PALM2AKAP2: variants seen among roughly 807,000 people sequenced by gnomAD.
The protein encoded by PALM2AKAP2 is PALM2-AKAP2 fusion protein.
A neutral mutation model predicts 71.5 loss-of-function variants in PALM2AKAP2; 37 were observed. That is an observed-to-expected ratio of 0.52 (90% CI 0.40 to 0.68). The LOEUF is 0.68. Ranked by LOEUF, PALM2AKAP2 falls within the 30% of genes least tolerant of loss-of-function variation. PALM2AKAP2 has a pLI of 0.00. For synonymous variants in PALM2AKAP2, 468 were observed against 478.8 expected (o/e 0.98, Z 0.29); for missense variants, 1,224 against 1,191.8 (o/e 1.03, Z -0.40).
chr9:109,669,281 G>T (rs1301430091), intron 1 of PALM2AKAP2, among the ~76,000 whole-genome samples: 2 of 150,036 alleles, frequency 1.3e-5, no homozygotes, highest in Non-Finnish European at 3.0e-5. Context: ...TTTTTTCAAT[G>T]AATACATGTT....
intron 1 of PALM2AKAP2, among the ~76,000 whole-genome samples, chr9:109,768,083 G>C (rs1464674211): frequency 8.6e-6 from 1 of 115,946 alleles, no homozygotes. Flanking sequence ...GAGGAAGGGA[G>C]GGAAGACAGG....
At chr9:110,097,153 T>C (rs568259509) in intron 1 of PALM2AKAP2, among the ~76,000 whole-genome samples, 17 of 150,976 alleles carry the variant, frequency 1.1e-4, no homozygotes, top group African/African-American at 3.4e-4. Context: ...TGGTGATGAC[T>C]CTTAACCAGC....
chr9:109,736,785 G>T (rs1189724295), intron 1 of PALM2AKAP2, among the ~76,000 whole-genome samples: 1 of 151,956 alleles, frequency 6.6e-6, no homozygotes, highest in African/African-American at 2.4e-5. Context: ...ACCTTTTGTA[G>T]TCTCCAGTGT....
At chr9:110,039,856 C>A (rs1252918115) in intron 7 of PALM2AKAP2, among the ~76,000 whole-genome samples, 1 of 152,130 alleles carries the variant, frequency 6.6e-6, no homozygotes, top group African/African-American at 2.4e-5. Context: ...TGATACCTGG[C>A]AGCTTTACTC....
chr9:109,712,641 C>T (rs1329180659), intron 1 of PALM2AKAP2, among the ~76,000 whole-genome samples: 1 of 152,176 alleles, frequency 6.6e-6, no homozygotes, highest in Non-Finnish European at 1.5e-5. Context: ...TCAAACAAGC[C>T]AATGGCTTTT....
At chr9:110,138,493 G>C in exon 2 of PALM2AKAP2, 1 of 1,613,718 alleles carries the variant, frequency 6.2e-7, no homozygotes, top group Non-Finnish European at 8.5e-7. Context: ...CCAGGACAAA[G>C]AATGCCCCAT....
chr9:109,650,195 C>T (rs760827850), intron 1 of PALM2AKAP2, among the ~76,000 whole-genome samples: 5 of 152,000 alleles, frequency 3.3e-5, no homozygotes, highest in Non-Finnish European at 7.4e-5. Flanking sequence ...ATGTCCCCCA[C>T]GTTTTGCCAG....
At position 109,726,085 on chromosome 9, in the gene PALM2AKAP2, G is replaced by A. The variant is rs541470895; in HGVS notation, c.6-54403G>A. ...ATTAGCCTTCTTTCCTACAAGGCAG[G>A]TGTAACAGACATTTATTTTTCTTAG... On this transcript the variant is annotated intron_variant, in intron 1 of 6. Transcript: ENST00000374531. 1.4e-4 allele frequency among the ~76,000 whole-genome samples: 22 copies of A among 152,310 alleles called. No individual in the cohort carries two copies. In the South Asian group the frequency reaches 4.6e-3, roughly 32 times the overall value.
At chr9:109,773,734 G>A (rs1829308764) in intron 1 of PALM2AKAP2, among the ~76,000 whole-genome samples, 1 of 152,194 alleles carries the variant, frequency 6.6e-6, no homozygotes, top group African/African-American at 2.4e-5. Context: ...TTAGGACCTA[G>A]GATTGATACT....
chr9:109,915,670 C>G (rs1211994885), intron 3 of PALM2AKAP2, among the ~76,000 whole-genome samples: 1 of 152,128 alleles, frequency 6.6e-6, no homozygotes, highest in East Asian at 1.9e-4. Context: ...ACGTAAAACA[C>G]TCATAACAGT....
chr9:110,118,172 T>TTA (rs368895214), intron 1 of PALM2AKAP2, among the ~76,000 whole-genome samples: 21 of 145,016 alleles, frequency 1.4e-4, no homozygotes, highest in South Asian at 4.4e-4. Context: ...GGAATATATA[T>TTA]TATATATATA....
At chr9:109,978,730 T>C (rs933484678) in intron 6 of PALM2AKAP2, among the ~76,000 whole-genome samples, 1 of 152,236 alleles carries the variant, frequency 6.6e-6, no homozygotes, top group African/African-American at 2.4e-5. Context: ...TCTCTTTATG[T>C]CATTGCCTTT....
chr9:109,930,192 T>C (rs371010640), intron 5 of PALM2AKAP2, among the ~76,000 whole-genome samples: 121 of 151,752 alleles, frequency 8.0e-4, no homozygotes, highest in African/African-American at 2.6e-3. Context: ...TCTTCCTTTC[T>C]CATTCCTTCT....
At chr9:110,164,184 C>G (rs1379609628) in intron 3 of PALM2AKAP2, among the ~76,000 whole-genome samples, 3 of 152,160 alleles carry the variant, frequency 2.0e-5, no homozygotes, top group Non-Finnish European at 4.4e-5. Context: ...CCCGTCTCCC[C>G]TTTGAGTCCA....
intron 6 of PALM2AKAP2, among the ~76,000 whole-genome samples, chr9:109,985,857 C>T (rs1564246211): frequency 6.6e-6 from 1 of 151,976 alleles, no homozygotes. Context: ...ACCATGTTGG[C>T]CAGGCTGGTC....
chr9:110,063,081 T>A (rs1833998955), intron 1 of PALM2AKAP2, among the ~76,000 whole-genome samples: 6 of 152,180 alleles, frequency 3.9e-5, no homozygotes, highest in Admixed American at 3.9e-4. Flanking sequence ...AAAATGCAGA[T>A]TCTCCACATT....
At chr9:109,731,527 A>G (rs190278462) in intron 1 of PALM2AKAP2, among the ~76,000 whole-genome samples, 2 of 152,342 alleles carry the variant, frequency 1.3e-5, no homozygotes, top group African/African-American at 4.8e-5. Flanking sequence ...GTGAAATTGT[A>G]AATTAAAATA....
chr9:109,728,731 A>T (rs912294563), intron 1 of PALM2AKAP2, among the ~76,000 whole-genome samples: 1 of 151,996 alleles, frequency 6.6e-6, no homozygotes, highest in East Asian at 1.9e-4. Flanking sequence ...AATAGTTCAA[A>T]TTTTTTTTAT....
intron 1 of PALM2AKAP2, among the ~76,000 whole-genome samples, chr9:109,784,044 G>A (rs1414155564): frequency 6.6e-6 from 1 of 152,072 alleles, no homozygotes; most frequent in African/African-American, 2.4e-5. Context: ...GTCCATCTTT[G>A]ACAATGATCT....
Sources: gnomAD v4.1 joint callset for allele counts (sites outside exome capture counted in the v4.1 genomes callset) on GRCh38, gnomAD v4.1.1 for gene constraint, MANE v1.5 for transcripts, NCBI Gene and HGNC (gene_info 2026-07-23, HGNC 2026-07-21) for gene names.